PPFIA2: variants seen among roughly 807,000 people sequenced by gnomAD.
PPFIA2 encodes liprin-alpha-2.
In PPFIA2, 46 loss-of-function variants were observed where a neutral mutation model predicts 175.5. That is an observed-to-expected ratio of 0.26 (90% CI 0.21 to 0.34). The LOEUF (loss-of-function observed/expected upper bound fraction) is 0.34, where lower values mean the gene tolerates loss of function less well. Among genes scored for constraint, PPFIA2 ranks in the 10% least tolerant of loss-of-function variants. PPFIA2 has a pLI of 1.00. For synonymous variants in PPFIA2, 568 were observed against 511.4 expected (o/e 1.11, Z -1.49); for missense variants, 1,179 against 1,506.1 (o/e 0.78, Z 3.60).
At chr12:81,567,406 A>T (rs1027431397) in intron 4 of PPFIA2, among the ~76,000 whole-genome samples, 16 of 152,086 alleles carry the variant, frequency 1.1e-4, no homozygotes, top group East Asian at 9.6e-4. Context: ...TTAATACCTG[A>T]TTTTGTGCTA....
At chr12:81,582,909 G>C (rs1012580243) in intron 4 of PPFIA2, among the ~76,000 whole-genome samples, 2 of 151,494 alleles carry the variant, frequency 1.3e-5, no homozygotes, top group African/African-American at 4.8e-5. Flanking sequence ...AATTTTCCGG[G>C]GAGTTTTTCT....
At chr12:81,269,405 A>T (rs1345527866) in intron 28 of PPFIA2, among the ~76,000 whole-genome samples, 1 of 152,238 alleles carries the variant, frequency 6.6e-6, no homozygotes, top group Non-Finnish European at 1.5e-5. Flanking sequence ...AAAGTATAAA[A>T]ATCTTTCAGG....
chr12:81,416,499 C>T (rs2045289327), intron 7 of PPFIA2, among the ~76,000 whole-genome samples: 1 of 151,556 alleles, frequency 6.6e-6, no homozygotes, highest in African/African-American at 2.4e-5. Context: ...TCTCCATCAC[C>T]AAGGAAGATG....
At chr12:81,489,042 G>A (rs1023892129) in intron 4 of PPFIA2, among the ~76,000 whole-genome samples, 4 of 151,704 alleles carry the variant, frequency 2.6e-5, no homozygotes, top group Admixed American at 6.6e-5. Flanking sequence ...AACTTTTCTT[G>A]GACCAGATAT....
At chr12:81,494,101 A>T (rs2059746691) in intron 4 of PPFIA2, among the ~76,000 whole-genome samples, 1 of 152,084 alleles carries the variant, frequency 6.6e-6, no homozygotes, top group Non-Finnish European at 1.5e-5. Context: ...ATGGGATCTA[A>T]TTAAACTAAA....
chr12:81,681,897 C>T (rs867487172), intron 3 of PPFIA2, among the ~76,000 whole-genome samples: 2 of 151,954 alleles, frequency 1.3e-5, no homozygotes, highest in Admixed American at 6.6e-5. Context: ...ACTCTCGCAT[C>T]GCATATCCCA....
chr12:81,355,730 C>T (rs2141022508), intron 16 of PPFIA2, among the ~76,000 whole-genome samples: 1 of 152,322 alleles, frequency 6.6e-6, no homozygotes, highest in African/African-American at 2.4e-5. Context: ...GAACAACCCT[C>T]TGCTAGCTTC....
In PPFIA2 at chr12:81,395,967, G is replaced by A. The variant is rs182007409; in HGVS notation, c.762+9820C>T. On this transcript the variant is annotated intron_variant, in intron 8 of 32. Transcript: ENST00000549396. ...GTAAATGGCAGTTATATCCATATGC[G>A]TGTTAAAATAAGTTTTGTGTGCCTT... Among the ~76,000 whole-genome samples, 245 of 152,088 alleles carry A rather than the reference G, an allele frequency of 1.6e-3. 1 individual carries two copies. Among genetic ancestry groups the A allele is most frequent in the Middle Eastern group, 3.4e-3 (1 of 294 alleles).
intron 22 of PPFIA2, among the ~76,000 whole-genome samples, chr12:81,308,437 T>G (rs1330484819): frequency 6.6e-6 from 1 of 152,172 alleles, no homozygotes; most frequent in Non-Finnish European, 1.5e-5. Flanking sequence ...CATGGAACCG[T>G]CGAGGTGCAG....
intron 7 of PPFIA2, among the ~76,000 whole-genome samples, chr12:81,409,181 C>T (rs2043452168): frequency 6.6e-6 from 1 of 152,012 alleles, no homozygotes. Flanking sequence ...AAGCTAATGG[C>T]CTCAAAATAT....
intron 4 of PPFIA2, among the ~76,000 whole-genome samples, chr12:81,664,851 G>A (rs1385672322): frequency 2.0e-5 from 3 of 152,090 alleles, no homozygotes; most frequent in Non-Finnish European, 4.4e-5. Context: ...GGAATACTAT[G>A]CAGCCATAAA....
intron 3 of PPFIA2, among the ~76,000 whole-genome samples, chr12:81,700,156 C>T (rs931869500): frequency 2.7e-4 from 41 of 152,022 alleles, no homozygotes; most frequent in African/African-American, 9.4e-4. Flanking sequence ...TATCTTCATA[C>T]TCTGTAATCC....
chr12:81,681,177 C>T (rs1016033560), intron 3 of PPFIA2, among the ~76,000 whole-genome samples: 3 of 151,956 alleles, frequency 2.0e-5, no homozygotes, highest in Non-Finnish European at 2.9e-5. Flanking sequence ...TATCCTCAAT[C>T]ATATGAATTT....
chr12:81,655,319 TA>T (rs1245457687), intron 4 of PPFIA2, among the ~76,000 whole-genome samples: 5 of 151,776 alleles, frequency 3.3e-5, no homozygotes, highest in East Asian at 1.9e-4. Context: ...CTAACACCAT[TA>T]TTTTTTTCTA....
At chr12:81,368,998 C>T in intron 12 of PPFIA2, 113 bp downstream of exon 12, 2 of 1,270,416 alleles carry the variant, frequency 1.6e-6, no homozygotes, top group Non-Finnish European at 2.2e-6. Context: ...GTCAACAGGT[C>T]ATATTTGTAA....
At chr12:81,515,288 G>T (rs1198481100) in intron 4 of PPFIA2, among the ~76,000 whole-genome samples, 1 of 151,832 alleles carries the variant, frequency 6.6e-6, no homozygotes, top group Non-Finnish European at 1.5e-5. Context: ...TAAATCAAAA[G>T]AAACCTTTCC....
intron 6 of PPFIA2, 149 bp from the exon 7 acceptor site, chr12:81,440,195 A>G (rs2049905927): frequency 5.6e-6 from 3 of 535,288 alleles, no homozygotes; most frequent in Non-Finnish European, 9.6e-6. Context: ...TAAATCTGGC[A>G]GAAATACAAT....
At chr12:81,603,917 C>T (rs1470787137) in intron 4 of PPFIA2, among the ~76,000 whole-genome samples, 1 of 146,956 alleles carries the variant, frequency 6.8e-6, no homozygotes, top group East Asian at 2.1e-4. Flanking sequence ...TTTATTTATT[C>T]AACTATGCAT....
chr12:81,321,011 G>A (rs1464977656), intron 22 of PPFIA2, among the ~76,000 whole-genome samples: 2 of 150,588 alleles, frequency 1.3e-5, no homozygotes, highest in Non-Finnish European at 3.0e-5. Context: ...CCTACTTACG[G>A]CATTTCTGAA....
Sources: allele counts gnomAD v4.1 joint callset (sites outside exome capture counted in the v4.1 genomes callset), GRCh38; gene constraint gnomAD v4.1.1; transcripts MANE v1.5; gene names NCBI Gene and HGNC (gene_info 2026-07-23, HGNC 2026-07-21).